SLC15A2: variants seen among roughly 807,000 people sequenced by gnomAD.
SLC15A2 encodes the protein kidney H(+)/peptide cotransporter.
Under a neutral mutation model 95.5 loss-of-function variants are expected in SLC15A2, and 77 were observed. That is an observed-to-expected ratio of 0.81 (90% CI 0.67 to 0.97). The LOEUF (loss-of-function observed/expected upper bound fraction) is 0.97. SLC15A2 is among the 50% of genes least tolerant of loss of function. The pLI is 0.00. For synonymous variants in SLC15A2, 306 were observed against 306.9 expected (o/e 1.00, Z 0.03); for missense variants, 893 against 874.4 (o/e 1.02, Z -0.27).
At chr3:121,896,334 T>C in intron 1 of SLC15A2, 72 bp from the exon 2 acceptor site, 1 of 1,234,940 alleles carries the variant, frequency 8.1e-7, no homozygotes, top group Non-Finnish European at 1.2e-6. Flanking sequence ...AATTTTTCAG[T>C]TTTGAAGAAA....
At chr3:121,915,005 G>C in intron 5 of SLC15A2, 1 of 1,311,822 alleles carries the variant, frequency 7.6e-7, no homozygotes, top group Non-Finnish European at 9.7e-7. Context: ...TGAAAAGGGA[G>C]GAAAAGAATG....
At chr3:121,917,411 G>A (rs1027006362) in intron 7 of SLC15A2, among the ~76,000 whole-genome samples, 3 of 152,138 alleles carry the variant, frequency 2.0e-5, no homozygotes, top group South Asian at 4.1e-4. Flanking sequence ...TTGAGGGACC[G>A]GGCATAGTGG....
In SLC15A2 at chr3:121,942,214, A is replaced by G. The variant is rs1313443397; in HGVS notation, c.*1207A>G. ...AAATTTGTGGGAGTAGGGATGGTAGAGCATGAGGGTTTTGTTTGTGTATGT... is the reference window on the plus strand; with the variant it reads ...AAATTTGTGGGAGTAGGGATGGTAGGGCATGAGGGTTTTGTTTGTGTATGT... On this transcript the variant is annotated 3_prime_UTR_variant, in exon 22 of 22. Coordinates refer to ENST00000489711, the MANE Select transcript of SLC15A2 (RefSeq NM_021082.4). 1 of 152,182 alleles carries G rather than the reference A, an allele frequency of 6.6e-6. No homozygotes were observed. Among genetic ancestry groups the G allele is most frequent in the African/African-American group, 2.4e-5 (1 of 41,438 alleles). The allele number at this position is 152,182 out of a possible 1,614,324, so 9.4% of individuals were successfully genotyped here.
intron 15 of SLC15A2, among the ~76,000 whole-genome samples, 194 bp downstream of exon 15, chr3:121,928,749 G>A (rs1882000): frequency 0.45 from 67,850 of 151,908 alleles, 15,685 homozygotes; most frequent in East Asian, 0.69. Context: ...TAGGTATTCC[G>A]TTTTTATTAT....
At chr3:121,924,236 T>A (rs1170916256) in intron 11 of SLC15A2, 115 bp from the exon 12 acceptor site, 1 of 839,224 alleles carries the variant, frequency 1.2e-6, no homozygotes, top group Middle Eastern at 2.8e-4. Flanking sequence ...AAAGACCTGA[T>A]GAATTTTCTC....
intron 13 of SLC15A2, 150 bp from the exon 14 acceptor site, chr3:121,927,605 ACTT>A (rs1414914315): frequency 1.7e-6 from 1 of 582,944 alleles, no homozygotes; most frequent in Non-Finnish European, 3.0e-6. Context: ...AGCCAATTAA[ACTT>A]CTTTTCTTTA....
chr3:121,903,213 T>C (rs1165147143), intron 3 of SLC15A2, among the ~76,000 whole-genome samples: 3 of 152,252 alleles, frequency 2.0e-5, no homozygotes, highest in African/African-American at 7.2e-5. Context: ...TTTTTTCTTG[T>C]AAATTTGTTT....
At chr3:121,933,761 G>A (rs1489955172) in intron 19 of SLC15A2, among the ~76,000 whole-genome samples, 1 of 151,320 alleles carries the variant, frequency 6.6e-6, no homozygotes, top group Non-Finnish European at 1.5e-5. Context: ...AAGCTCTTTA[G>A]TTTAATTAGA....
At position 121,894,560 on chromosome 3, in the gene SLC15A2, C is replaced by T; in HGVS notation, c.84C>T (p.Ser28=). The T allele has an allele frequency of 6.2e-7, 1 of 1,613,832 alleles. No homozygotes were observed. The highest frequency in any genetic ancestry group is 8.5e-7 in the Non-Finnish European group (1 of 1,179,746). Residue 28 remains serine, a synonymous_variant, in exon 1 of 22, where the codon AGC becomes AGT. Coordinates refer to ENST00000489711, the MANE Select transcript of SLC15A2 (RefSeq NM_021082.4). ...SIEEVPPRPP[S]PPKKPSPTIC... Reference sequence around the variant, plus strand: ...AAGAGGTACCACCTCGACCACCTAGCCCTCCAAAGAAGCCATCTCCGGTGA... The same window carrying T: ...AAGAGGTACCACCTCGACCACCTAGTCCTCCAAAGAAGCCATCTCCGGTGA...
chr3:121,896,246 T>C (rs930235865), intron 1 of SLC15A2, among the ~76,000 whole-genome samples, 160 bp from the exon 2 acceptor site: 10 of 152,238 alleles, frequency 6.6e-5, no homozygotes, highest in Non-Finnish European at 1.5e-4. Context: ...ATAAGCACTT[T>C]TAGTGTTACC....
intron 3 of SLC15A2, among the ~76,000 whole-genome samples, chr3:121,907,958 G>T (rs1320548800): frequency 6.6e-6 from 1 of 152,254 alleles, no homozygotes; most frequent in East Asian, 1.9e-4. Flanking sequence ...GCTGCCTTTT[G>T]TTCCGCTATG....
At chr3:121,896,338 G>C (rs1709411689) in intron 1 of SLC15A2, 68 bp from the exon 2 acceptor site, 2 of 1,272,296 alleles carry the variant, frequency 1.6e-6, no homozygotes. Flanking sequence ...TTTCAGTTTT[G>C]AAGAAATCTA....
chr3:121,911,815 A>T (rs1393746735), intron 4 of SLC15A2, 149 bp downstream of exon 4: 2 of 627,390 alleles, frequency 3.2e-6, no homozygotes, highest in Admixed American at 5.3e-5. Flanking sequence ...GACCAGTTGA[A>T]CTCTTTCCTA....
chr3:121,940,718 A>G (rs1710444633), intron 21 of SLC15A2, 113 bp from the exon 22 acceptor site: 1 of 1,165,410 alleles, frequency 8.6e-7, no homozygotes, highest in South Asian at 1.5e-5. Flanking sequence ...GTCCAGCAAA[A>G]GTCTGGTTAA....
chr3:121,905,310 C>T (rs549489877), intron 3 of SLC15A2, among the ~76,000 whole-genome samples: 4 of 152,236 alleles, frequency 2.6e-5, no homozygotes, highest in South Asian at 4.1e-4. Context: ...CTCCTGGATT[C>T]GTTGATTTTT....
At chr3:121,915,511 C>A in intron 6 of SLC15A2, 105 bp from the exon 7 acceptor site, 1 of 910,148 alleles carries the variant, frequency 1.1e-6, no homozygotes. Flanking sequence ...GTGGTTATGT[C>A]TATTCTACAA....
At chr3:121,922,446 CAG>C in intron 8 of SLC15A2, 144 bp downstream of exon 8, 1 of 644,458 alleles carries the variant, frequency 1.6e-6, no homozygotes, top group Non-Finnish European at 2.6e-6. Context: ...TAAGATTAAC[CAG>C]TCTTCTTCTT....
At position 121,943,900 on chromosome 3, in the gene SLC15A2, A is replaced by C. The variant is rs1300332527; in HGVS notation, c.*2893A>C. On this transcript the variant is annotated 3_prime_UTR_variant, in exon 22 of 22. Coordinates refer to ENST00000489711, the MANE Select transcript of SLC15A2 (RefSeq NM_021082.4). The stretch of plus-strand genomic sequence containing the variant: ...TAACACAATGGTATTTTTATACTTA[A>C]ACATATCTAAACATAGAAACGGTAC... The C allele has an allele frequency of 1.3e-5, 2 of 152,376 alleles. No individual in the cohort carries two copies. The highest frequency in any genetic ancestry group is 2.1e-4 in the South Asian group (1 of 4,830). 9.4% of individuals were successfully genotyped at this position (152,376 alleles called of 1,614,324 possible).
At position 121,940,881 on chromosome 3, in the gene SLC15A2, C is replaced by A; in HGVS notation, c.2064C>A (p.Ile688=). 6.2e-7 allele frequency: 1 copy of A among 1,614,076 alleles called. No individual in the cohort carries two copies. Among genetic ancestry groups the A allele is most frequent in the Non-Finnish European group, 8.5e-7 (1 of 1,180,008 alleles). The change falls in exon 22 of 22, where the codon ATC becomes ATA. Residue 688 remains isoleucine, a synonymous_variant. Transcript: ENST00000489711. Reference sequence around the variant, plus strand: ...GCCTCCTGCTGGTGATCTGCCTGATCTTCTCCATCATGGGCTACTACTATG... The same window carrying A: ...GCCTCCTGCTGGTGATCTGCCTGATATTCTCCATCATGGGCTACTACTATG... The part of the protein sequence containing the change: ...FSCLLLVICL[I]FSIMGYYYVP...
Sources: allele counts gnomAD v4.1 joint callset (sites outside exome capture counted in the v4.1 genomes callset), GRCh38; gene constraint gnomAD v4.1.1; transcripts MANE v1.5; gene names NCBI Gene and HGNC (gene_info 2026-07-23, HGNC 2026-07-21).